The following LARGE1 variants were observed in gnomAD, a reference collection of about 807,000 sequenced individuals.
LARGE1 encodes the protein LARGE xylosyl- and glucuronyltransferase 1.
In LARGE1, 43 loss-of-function variants were observed where a neutral mutation model predicts 87.6. That is an observed-to-expected ratio of 0.49 (90% CI 0.38 to 0.63). The LOEUF is 0.63. Ranked by LOEUF, LARGE1 falls within the 30% of genes least tolerant of loss-of-function variation. LARGE1 has a pLI of 0.00. For missense variants in LARGE1, 802 were observed against 1,000.2 expected (o/e 0.80, Z 2.67); for synonymous variants, 434 against 394.6 (o/e 1.10, Z -1.18).
At chr22:33,475,568 T>C (rs1418135739) in intron 6 of LARGE1, among the ~76,000 whole-genome samples, 1 of 151,968 alleles carries the variant, frequency 6.6e-6, no homozygotes, top group East Asian at 1.9e-4. Context: ...TTCAGGGGAT[T>C]CTCCTGCCTC....
At chr22:33,330,242 C>A (rs777078233) in intron 10 of LARGE1, among the ~76,000 whole-genome samples, 1 of 152,142 alleles carries the variant, frequency 6.6e-6, no homozygotes, top group African/African-American at 2.4e-5. Context: ...ATAGAAAAAA[C>A]GGTAGAGAAT....
At chr22:33,457,285 G>A (rs941965859) in intron 6 of LARGE1, among the ~76,000 whole-genome samples, 13 of 141,154 alleles carry the variant, frequency 9.2e-5, no homozygotes, top group Non-Finnish European at 2.0e-4. Context: ...CTGCCACCAC[G>A]CCTGGCTCTT....
intron 6 of LARGE1, among the ~76,000 whole-genome samples, chr22:33,454,850 A>G (rs1264884816): frequency 6.6e-6 from 1 of 152,122 alleles, no homozygotes; most frequent in African/African-American, 2.4e-5. Flanking sequence ...CTCTATCATG[A>G]GAACAGCATG....
rs59657748 is a variant in LARGE1, at chr22:33,861,860, C to CTTTTTTT, written c.-83+58128_-83+58134dup. Among the ~76,000 whole-genome samples the CTTTTTTT allele has an allele frequency of 2.3e-4, 27 of 117,210 alleles. 1 individual carries two copies. The highest frequency in any genetic ancestry group is 3.2e-4 in the Non-Finnish European group (19 of 59,660). 76.9% of individuals were successfully genotyped at this position (117,210 alleles called of 152,430 possible). On this transcript the variant is annotated intron_variant, in intron 1 of 14. Transcript: ENST00000397394. ...AAGTGGATTTTGGGACCCAGACATTCTTTTTTTTTTTTTTTTTTTTTGAGA... is the reference window on the plus strand; with the variant it reads ...AAGTGGATTTTGGGACCCAGACATTCTTTTTTTTTTTTTTTTTTTTTTTTTTTTGAGA...
chr22:33,834,177 G>T (rs984241830), intron 1 of LARGE1, among the ~76,000 whole-genome samples: 7 of 152,048 alleles, frequency 4.6e-5, no homozygotes, highest in African/African-American at 1.7e-4. Flanking sequence ...CTTTTTAAGG[G>T]CTAAGGATAC....
At chr22:33,748,901 G>C (rs529391130) in intron 2 of LARGE1, among the ~76,000 whole-genome samples, 1 of 152,180 alleles carries the variant, frequency 6.6e-6, no homozygotes, top group African/African-American at 2.4e-5. Flanking sequence ...TGTGAGCTTC[G>C]TTATATCACA....
At chr22:33,466,149 G>A (rs1316725679) in intron 6 of LARGE1, among the ~76,000 whole-genome samples, 2 of 152,094 alleles carry the variant, frequency 1.3e-5, no homozygotes, top group Non-Finnish European at 1.5e-5. Flanking sequence ...CACCAGCTCT[G>A]CCCTGTCTCA....
chr22:33,604,602 C>T, intron 4 of LARGE1, 44 bp from the exon 5 acceptor site: 1 of 1,613,246 alleles, frequency 6.2e-7, no homozygotes. Flanking sequence ...AGAGGTACGG[C>T]TCTTTGAATT....
chr22:33,268,678 C>T (rs1016378244), downstream of LARGE1, among the ~76,000 whole-genome samples: 4 of 152,150 alleles, frequency 2.6e-5, no homozygotes, highest in East Asian at 1.9e-4. Context: ...CTGCCTGCCT[C>T]GGCCTCCCAA....
the LARGE1 span, among the ~76,000 whole-genome samples, chr22:33,090,847 C>G: frequency 1.3e-5 from 2 of 152,104 alleles, no homozygotes; most frequent in South Asian, 4.1e-4. Flanking sequence ...GAATTCTTTC[C>G]AAAGCATTGG....
intron 7 of LARGE1, among the ~76,000 whole-genome samples, chr22:33,402,339 C>G (rs1230708329): frequency 6.6e-6 from 1 of 152,156 alleles, no homozygotes; most frequent in Non-Finnish European, 1.5e-5. Flanking sequence ...AGGTCAGCAG[C>G]CTGAGGTCAG....
intron 5 of LARGE1, among the ~76,000 whole-genome samples, chr22:33,601,425 G>A (rs1254603205): frequency 6.6e-6 from 1 of 152,080 alleles, no homozygotes; most frequent in Non-Finnish European, 1.5e-5. Flanking sequence ...CACTACAGAG[G>A]GGCTGTCAGG....
chr22:33,473,419 G>A (rs1231506180), intron 6 of LARGE1, among the ~76,000 whole-genome samples: 1 of 151,788 alleles, frequency 6.6e-6, no homozygotes, highest in African/African-American at 2.4e-5. Context: ...GCACTATCTC[G>A]GCTCACTGCA....
intron 1 of LARGE1, among the ~76,000 whole-genome samples, chr22:33,810,355 C>A (rs1160218743): frequency 6.6e-6 from 1 of 152,128 alleles, no homozygotes; most frequent in East Asian, 1.9e-4. Context: ...TGGACCTCCG[C>A]TGAAGGCAAC....
At chr22:33,130,309 G>T in the LARGE1 span, among the ~76,000 whole-genome samples, 1 of 50,992 alleles carries the variant, frequency 2.0e-5, no homozygotes, top group Non-Finnish European at 3.3e-5. Context: ...GTGAGATTCC[G>T]TCTCAAAAAA....
intron 2 of LARGE1, chr22:33,727,686 T>A (rs1250628079): frequency 6.6e-6 from 1 of 152,228 alleles, no homozygotes; most frequent in African/African-American, 2.4e-5. Context: ...GTCCATCTTA[T>A]AGATGCAGAA....
chr22:33,651,599 C>T (rs1400347036), intron 2 of LARGE1, among the ~76,000 whole-genome samples: 1 of 152,060 alleles, frequency 6.6e-6, no homozygotes, highest in Non-Finnish European at 1.5e-5. Context: ...ATCTGCCATA[C>T]TGTATTTGGT....
intron 2 of LARGE1, among the ~76,000 whole-genome samples, chr22:33,694,774 A>T (rs143711461): frequency 1.6e-3 from 239 of 152,284 alleles, no homozygotes; most frequent in African/African-American, 5.5e-3. Flanking sequence ...GTAGCCCCCT[A>T]GTCTCTTCCA....
intron 11 of LARGE1, among the ~76,000 whole-genome samples, chr22:33,305,833 TTTTTC>T (rs1934805261): frequency 8.5e-6 from 1 of 117,428 alleles, no homozygotes; most frequent in African/African-American, 4.3e-5. Context: ...GAAACATTTC[TTTTTC>T]TTTTTCTTTT....
Sources: allele counts gnomAD v4.1 joint callset (sites outside exome capture counted in the v4.1 genomes callset), GRCh38; gene constraint gnomAD v4.1.1; transcripts MANE v1.5; gene names NCBI Gene and HGNC (gene_info 2026-07-23, HGNC 2026-07-21).